ALX4: variants seen among roughly 807,000 people sequenced by gnomAD.
ALX4 encodes the protein ALX homeobox 4.
Under a neutral mutation model 40.6 loss-of-function variants are expected in ALX4, and 22 were observed. That is an observed-to-expected ratio of 0.54 (90% confidence interval 0.39 to 0.77). ALX4 has a LOEUF of 0.77. Among genes scored for constraint, ALX4 ranks in the 30% least tolerant of loss-of-function variants. ALX4 has a pLI of 0.00. For synonymous variants in ALX4, 266 were observed against 240.5 expected (o/e 1.11, Z -0.98); for missense variants, 556 against 564.8 (o/e 0.98, Z 0.16).
rs753978747 is a variant in ALX4 at position 44,309,745 on chromosome 11, C to T, written c.318G>A (p.Gln106=). Residue 106 remains glutamine (Q), a synonymous_variant, in exon 1 of 4, where the codon CAG becomes CAA. Transcript: ENST00000652299. The part of the protein sequence containing the change: ...TPQPQPPPQP[Q]PQQQQPQPQP... ...GGGGCTGCGGCTGCTGCTGCTGCGG[C>T]TGCGGCTGCGGCGGCGGCTGGGGCT... The T allele has an allele frequency of 1.3e-6, 2 of 1,536,588 alleles. No homozygotes were observed. The highest frequency in any genetic ancestry group is 1.7e-6 in the Non-Finnish European group (2 of 1,147,548).
intron 1 of ALX4, among the ~76,000 whole-genome samples, chr11:44,309,200 A>AGCCCCGCAGCCCCGCC (rs1956489554): frequency 6.7e-6 from 1 of 148,836 alleles, no homozygotes; most frequent in Non-Finnish European, 1.5e-5. Flanking sequence ...GCAGCCCCGC[A>AGCCCCGCAGCCCCGCC]GCCCCGCAGC....
rs148100382 is a variant in ALX4 at position 44,304,075 on chromosome 11, G to A, written c.466+5522C>T. Among the ~76,000 whole-genome samples the A allele has an allele frequency of 1.0e-3, 156 of 152,224 alleles. 2 individuals carry two copies. The East Asian group carries it at 0.029, about 28-fold the overall frequency. On this transcript the variant is annotated intron_variant, in intron 1 of 3. Transcript: ENST00000652299. ...CCAGCAAAGGGCCCTGTTTGGAAGG[G>A]CTGCTTCTCACCTGTCTAGTGGCAC...
At chr11:44,296,667 C>T (rs1956404186) in intron 1 of ALX4, among the ~76,000 whole-genome samples, 1 of 152,148 alleles carries the variant, frequency 6.6e-6, no homozygotes, top group East Asian at 1.9e-4. Flanking sequence ...AAAGGAGATA[C>T]ACAAATGGCC....
At chr11:44,275,737 C>T in intron 1 of ALX4, 79 bp from the exon 2 acceptor site, 2 of 1,414,706 alleles carry the variant, frequency 1.4e-6, no homozygotes, top group Non-Finnish European at 9.7e-7. Context: ...GAGAGTGGGG[C>T]ACTCGGGTAG....
chr11:44,271,319 A>G (rs1050464914), intron 2 of ALX4, among the ~76,000 whole-genome samples: 22 of 152,250 alleles, frequency 1.4e-4, no homozygotes, highest in Admixed American at 1.4e-3. Flanking sequence ...GCTGCGACTC[A>G]GGAGTCCCGG....
intron 1 of ALX4, among the ~76,000 whole-genome samples, chr11:44,299,118 T>C (rs1057271247): frequency 4.6e-5 from 7 of 152,064 alleles, no homozygotes; most frequent in Non-Finnish European, 7.4e-5. Context: ...TGATCAGAGG[T>C]TCTCTCATGT....
chr11:44,269,819 GT>G (rs1956234750), intron 2 of ALX4, among the ~76,000 whole-genome samples: 1 of 152,178 alleles, frequency 6.6e-6, no homozygotes, highest in Non-Finnish European at 1.5e-5. Flanking sequence ...AGAGGAGCTT[GT>G]TTTCATTTCA....
In ALX4 at chr11:44,275,270, A is replaced by G; in HGVS notation, c.777+78T>C. 5.5e-6 allele frequency: 8 copies of G among 1,466,160 alleles called. No individual in the cohort carries two copies. The South Asian group carries it at 9.1e-5, about 17-fold the overall frequency. The allele number at this position is 1,466,160 out of a possible 1,614,324, so 90.8% of individuals were successfully genotyped here. ...GCCATGGTGTGGTTGGTGGGCAGTC[A>G]GGAGACCCCAACTGCAGCCAAGAGC... On this transcript the variant is annotated intron_variant, in intron 2 of 3. Transcript: ENST00000652299.
At chr11:44,275,882 A>C (rs1956275226) in intron 1 of ALX4, among the ~76,000 whole-genome samples, 1 of 152,106 alleles carries the variant, frequency 6.6e-6, no homozygotes, top group African/African-American at 2.4e-5. Flanking sequence ...CTTCACCATC[A>C]TCTTAGACTA....
At chr11:44,272,891 C>A (rs1446137737) in intron 2 of ALX4, among the ~76,000 whole-genome samples, 1 of 152,208 alleles carries the variant, frequency 6.6e-6, no homozygotes, top group Non-Finnish European at 1.5e-5. Context: ...TTCAGCATCA[C>A]TTCTGGTAGC....
At chr11:44,298,957 C>T (rs1224532765) in intron 1 of ALX4, among the ~76,000 whole-genome samples, 1 of 152,192 alleles carries the variant, frequency 6.6e-6, no homozygotes. Context: ...CATTCATTCA[C>T]TCAGCAACAG....
intron 1 of ALX4, among the ~76,000 whole-genome samples, chr11:44,307,366 C>G (rs959969290): frequency 6.6e-6 from 1 of 152,180 alleles, no homozygotes; most frequent in East Asian, 1.9e-4. Context: ...TGGCCCTTTC[C>G]GTCAGCTCCA....
intron 1 of ALX4, among the ~76,000 whole-genome samples, chr11:44,309,094 G>C (rs1230322276): frequency 6.6e-6 from 1 of 152,048 alleles, no homozygotes; most frequent in East Asian, 1.9e-4. Flanking sequence ...TCTCACCTGC[G>C]GCGGCGCCGC....
chr11:44,265,171 A>T lies in ALX4; in HGVS notation c.919T>A (p.Ser307Thr). The change falls in exon 4 of 4, where the codon TCC becomes ACC. Residue 307 changes from serine to threonine, a missense_variant. By Grantham distance (58) the Ser-to-Thr change is moderately conservative. Coordinates refer to ENST00000652299, the MANE Select transcript of ALX4 (RefSeq NM_021926.4). ...GCAGCCCCGTTGTTGCCGAGCCAGG[A>T]CGGGTTCTGAATCTGGGAGAGGAAG... Reference protein sequence around the residue: ...AENYAQIQNPSWLGNNGAASP... With the variant: ...AENYAQIQNPTWLGNNGAASP... 1.2e-6 allele frequency: 2 copies of T among 1,603,916 alleles called. No homozygotes were observed. The highest frequency in any genetic ancestry group is 1.7e-6 in the Non-Finnish European group (2 of 1,174,082).
chr11:44,292,816 C>G (rs560030648), intron 1 of ALX4, among the ~76,000 whole-genome samples: 1 of 152,018 alleles, frequency 6.6e-6, no homozygotes, highest in East Asian at 1.9e-4. Context: ...GTTCTTTTGG[C>G]CCCGCATGGT....
chr11:44,264,756 A>G lies in ALX4; in HGVS notation c.*98T>C. The G allele has an allele frequency of 7.1e-7, 1 of 1,399,018 alleles. No individual in the cohort carries two copies. The highest frequency in any genetic ancestry group is 9.8e-7 in the Non-Finnish European group (1 of 1,021,506). The allele number at this position is 1,399,018 out of a possible 1,614,324, so 86.7% of individuals were successfully genotyped here. A position where few individuals can be genotyped will look rare whatever the true frequency, so the allele number is the denominator to read the frequency against. On this transcript the variant is annotated 3_prime_UTR_variant, in exon 4 of 4. Transcript: ENST00000652299. ...GAGGGTCAGGCCCCTGGCCCAGGCC[A>G]GGTTCCTAAGAGGAAAGTCGAGTGG...
At chr11:44,301,691 CA>C (rs1325820357) in intron 1 of ALX4, among the ~76,000 whole-genome samples, 1 of 152,180 alleles carries the variant, frequency 6.6e-6, no homozygotes. Flanking sequence ...TTGGATTCCC[CA>C]ACACTTTCTG....
At chr11:44,302,334 C>A (rs906560807) in intron 1 of ALX4, among the ~76,000 whole-genome samples, 1 of 152,186 alleles carries the variant, frequency 6.6e-6, no homozygotes, top group South Asian at 2.1e-4. Context: ...AGAATGGGCA[C>A]GGCACACACC....
chr11:44,280,970 A>T (rs1248254241), intron 1 of ALX4, among the ~76,000 whole-genome samples: 3 of 152,192 alleles, frequency 2.0e-5, no homozygotes, highest in African/African-American at 4.8e-5. Flanking sequence ...GAAATGCATG[A>T]AGTGGAAAGC....
Sources: gnomAD v4.1 joint callset for allele counts (sites outside exome capture counted in the v4.1 genomes callset) on GRCh38, gnomAD v4.1.1 for gene constraint, MANE v1.5 for transcripts, NCBI Gene and HGNC (gene_info 2026-07-23, HGNC 2026-07-21) for gene names.